The following RAD51B variants were observed in gnomAD, a reference collection of about 807,000 sequenced individuals.
RAD51B encodes DNA repair protein RAD51 homolog 2.
RAD51B carries 38 observed loss-of-function variants against 42.2 expected under a neutral mutation model. That is an observed-to-expected ratio of 0.90 (90% CI 0.70 to 1.18). The LOEUF is 1.18. Ranked by LOEUF, RAD51B falls within the 50% of genes most tolerant of loss-of-function variation. The probability of loss-of-function intolerance (pLI) is 0.00; values close to 1 mark genes in which losing one functional copy is unlikely to be tolerated. For missense variants in RAD51B, 373 were observed against 400.7 expected, an observed-to-expected ratio of 0.93 and a Z score of 0.59; for synonymous variants, 154 against 145.2, an observed-to-expected ratio of 1.06 and a Z score of -0.43.
chr14:68,120,871 A>AT (rs2077639043), intron 7 of RAD51B, among the ~76,000 whole-genome samples: 1 of 151,842 alleles, frequency 6.6e-6, no homozygotes, highest in South Asian at 2.1e-4. Flanking sequence ...GAGAAATGTT[A>AT]TTTTTTTCAG....
At chr14:68,315,277 A>T (rs1939020878) in intron 8 of RAD51B, among the ~76,000 whole-genome samples, 1 of 152,208 alleles carries the variant, frequency 6.6e-6, no homozygotes, top group South Asian at 2.1e-4. Context: ...GCGGGTTATT[A>T]ATCTAAGAAC....
At chr14:67,943,603 A>C (rs972367286) in intron 7 of RAD51B, among the ~76,000 whole-genome samples, 8 of 152,144 alleles carry the variant, frequency 5.3e-5, no homozygotes, top group African/African-American at 1.9e-4. Flanking sequence ...TGGAGTTGAC[A>C]TTCATTTATT....
At chr14:68,146,905 A>G (rs1057241639) in intron 7 of RAD51B, among the ~76,000 whole-genome samples, 2 of 152,206 alleles carry the variant, frequency 1.3e-5, no homozygotes, top group Non-Finnish European at 2.9e-5. Flanking sequence ...TTGCTTAAAG[A>G]TAAAAAGCAG....
In RAD51B at chr14:68,136,439, A is replaced by C. The variant is rs61985066; in HGVS notation, c.757-155445A>C. ...CTAAAAATACAAAAATTAGCTGAGC[A>C]TGGTGGCACATGCCTGGAGTCCCAG... On this transcript the variant is annotated intron_variant, in intron 7 of 10. Coordinates refer to ENST00000471583, the MANE Select transcript of RAD51B (RefSeq NM_133510.4). 4.7e-5 allele frequency among the ~76,000 whole-genome samples: 3 copies of C among 63,760 alleles called. 1 individual carries two copies. Among genetic ancestry groups the C allele is most frequent in the African/African-American group, 9.9e-5 (3 of 30,222 alleles). The allele number at this position is 63,760 out of a possible 152,430, so 41.8% of individuals were successfully genotyped here.
intron 7 of RAD51B, among the ~76,000 whole-genome samples, chr14:67,938,446 T>C (rs2045036251): frequency 2.0e-5 from 3 of 152,226 alleles, no homozygotes; most frequent in Non-Finnish European, 4.4e-5. Context: ...TCAGTATTGC[T>C]CCTTCAAGTG....
intron 7 of RAD51B, among the ~76,000 whole-genome samples, chr14:67,920,495 C>T (rs1224250827): frequency 2.0e-5 from 3 of 151,974 alleles, no homozygotes; most frequent in East Asian, 1.9e-4. Context: ...TATGTCTAAT[C>T]TCATTTCTCA....
intron 4 of RAD51B, among the ~76,000 whole-genome samples, chr14:67,843,234 G>T (rs1251209877): frequency 1.6e-5 from 2 of 126,758 alleles, no homozygotes; most frequent in Admixed American, 7.3e-5. Context: ...CATGTGCCAT[G>T]TTGGTGTGCT....
At chr14:68,147,722 T>TATGGAAGGAGATA (rs1261452537) in intron 7 of RAD51B, among the ~76,000 whole-genome samples, 1 of 151,782 alleles carries the variant, frequency 6.6e-6, no homozygotes, top group Non-Finnish European at 1.5e-5. Flanking sequence ...AAACAACTCT[T>TATGGAAGGAGATA]ACGGAAGGAG....
intron 4 of RAD51B, among the ~76,000 whole-genome samples, chr14:67,841,482 A>C (rs1202067563): frequency 2.0e-5 from 3 of 152,112 alleles, no homozygotes; most frequent in African/African-American, 7.2e-5. Flanking sequence ...CTTAGCCATT[A>C]GTTCTTTGCC....
intron 7 of RAD51B, among the ~76,000 whole-genome samples, chr14:68,020,411 C>G (rs1235915324): frequency 1.3e-5 from 2 of 152,146 alleles, no homozygotes; most frequent in East Asian, 3.8e-4. Flanking sequence ...GCACCAGCCT[C>G]TTTGCTTTTT....
chr14:68,301,469 G>C (rs976641875), intron 8 of RAD51B, among the ~76,000 whole-genome samples: 8 of 152,082 alleles, frequency 5.3e-5, no homozygotes, highest in Non-Finnish European at 1.5e-5. Context: ...CTCCTTCAGG[G>C]ACAAAACTAG....
intron 7 of RAD51B, chr14:68,149,525 A>G (rs971000449): frequency 6.6e-6 from 1 of 152,148 alleles, no homozygotes; most frequent in African/African-American, 2.4e-5. Context: ...TCTGGGCTCT[A>G]TTTTGTTCTA....
chr14:68,280,521 T>C (rs936262259), intron 7 of RAD51B, among the ~76,000 whole-genome samples: 3 of 152,178 alleles, frequency 2.0e-5, no homozygotes, highest in African/African-American at 7.2e-5. Context: ...ATGATAACGT[T>C]TACCTCACTG....
At chr14:68,475,938 C>G (rs150616620) in intron 10 of RAD51B, among the ~76,000 whole-genome samples, 1 of 151,432 alleles carries the variant, frequency 6.6e-6, no homozygotes, top group African/African-American at 2.4e-5. Context: ...CATGTTCTTT[C>G]TGGAATATGA....
intron 7 of RAD51B, among the ~76,000 whole-genome samples, chr14:68,219,921 G>A (rs1318025111): frequency 6.6e-6 from 1 of 152,092 alleles, no homozygotes; most frequent in Non-Finnish European, 1.5e-5. Flanking sequence ...GAAAGGTGAA[G>A]TCCAACTTAA....
chr14:67,852,409 AG>A (rs2139948207), intron 4 of RAD51B, among the ~76,000 whole-genome samples: 1 of 152,352 alleles, frequency 6.6e-6, no homozygotes, highest in South Asian at 2.1e-4. Flanking sequence ...TGTGGGGTTG[AG>A]CTTCCAAGAA....
At chr14:68,102,683 G>A (rs7156822) in intron 7 of RAD51B, among the ~76,000 whole-genome samples, 46,381 of 152,018 alleles carry the variant, frequency 0.31, 9,837 homozygotes, top group African/African-American at 0.61. Flanking sequence ...AATATCCTAC[G>A]TTTTTCTTTC....
chr14:68,413,869 G>T (rs1301015292), intron 9 of RAD51B, among the ~76,000 whole-genome samples: 1 of 152,066 alleles, frequency 6.6e-6, no homozygotes, highest in Admixed American at 6.6e-5. Context: ...ATAATTCTAG[G>T]GTAGTAAGAC....
chr14:67,993,767 AAACT>A (rs1238181116), intron 7 of RAD51B, among the ~76,000 whole-genome samples: 1 of 152,158 alleles, frequency 6.6e-6, no homozygotes, highest in Non-Finnish European at 1.5e-5. Flanking sequence ...AGGACCCTCC[AAACT>A]GTTCTCCATA....
Sources: allele counts gnomAD v4.1 joint callset (sites outside exome capture counted in the v4.1 genomes callset), GRCh38; gene constraint gnomAD v4.1.1; transcripts MANE v1.5; gene names NCBI Gene and HGNC (gene_info 2026-07-23, HGNC 2026-07-21).